Variants in ANKRD11 observed in about 807,000 individuals in gnomAD.
ANKRD11 encodes ankyrin repeat domain 11.
In ANKRD11, 17 loss-of-function variants were observed where a neutral mutation model predicts 195.7. The ratio of observed to expected loss-of-function variants is 0.09; its 90% CI spans 0.06 to 0.13. ANKRD11 has a LOEUF of 0.13. Among genes scored for constraint, ANKRD11 ranks in the 10% least tolerant of loss-of-function variants. ANKRD11 has a pLI of 1.00. For synonymous variants in ANKRD11, 1,953 were observed against 1,528.1 expected (o/e 1.28, Z -6.49); for missense variants, 3,735 against 3,566.1 (o/e 1.05, Z -1.21).
intron 2 of ANKRD11, chr16:89,370,525 C>CTGGA (rs2040147368): frequency 6.6e-6 from 1 of 152,442 alleles, no homozygotes; most frequent in South Asian, 2.1e-4. Flanking sequence ...AGACCAGAGG[C>CTGGA]TGGAGCACAC....
At chr16:89,445,384 G>A (rs948230204) in intron 1 of ANKRD11, among the ~76,000 whole-genome samples, 1 of 152,072 alleles carries the variant, frequency 6.6e-6, no homozygotes, top group Non-Finnish European at 1.5e-5. Context: ...AAACTAAGAG[G>A]TCATCTCCTT....
chr16:89,450,306 C>A (rs2044011569), intron 1 of ANKRD11, among the ~76,000 whole-genome samples: 1 of 152,292 alleles, frequency 6.6e-6, no homozygotes, highest in East Asian at 1.9e-4. Flanking sequence ...ATTCACCCCC[C>A]ATTTTGTAAA....
At chr16:89,341,244 C>T (rs1040575608) in intron 2 of ANKRD11, among the ~76,000 whole-genome samples, 2 of 152,302 alleles carry the variant, frequency 1.3e-5, no homozygotes, top group South Asian at 4.1e-4. Flanking sequence ...GGCAAGCAGA[C>T]CCGGTTTGGA....
intron 2 of ANKRD11, among the ~76,000 whole-genome samples, chr16:89,328,077 T>C (rs57989856): frequency 7.2e-5 from 11 of 152,026 alleles, no homozygotes; most frequent in African/African-American, 2.7e-4. Flanking sequence ...TCAGAAGAGG[T>C]GCACGTGGTG....
chr16:89,294,487 A>G (rs2035281891), intron 4 of ANKRD11, among the ~76,000 whole-genome samples: 1 of 152,116 alleles, frequency 6.6e-6, no homozygotes, highest in Non-Finnish European at 1.5e-5. Context: ...CAACGCCCAC[A>G]ACACGCGCCA....
chr16:89,390,732 G>T (rs1257707916), intron 2 of ANKRD11, among the ~76,000 whole-genome samples: 1 of 152,192 alleles, frequency 6.6e-6, no homozygotes, highest in African/African-American at 2.4e-5. Flanking sequence ...AAGTCCTGCA[G>T]AAAAACACCT....
chr16:89,381,354 A>AAAAAAAAAAAAAAAAAAAAAAAAAAG (rs1555560066), intron 2 of ANKRD11, among the ~76,000 whole-genome samples: 2 of 125,336 alleles, frequency 1.6e-5, no homozygotes, highest in African/African-American at 6.6e-5. Flanking sequence ...AAAAAAAAAA[A>AAAAAAAAAAAAAAAAAAAAAAAAAAG]GGGGTGAGAA....
At chr16:89,268,696 A>G in intron 12 of ANKRD11, 33 bp from the exon 13 acceptor site, 1 of 1,561,270 alleles carries the variant, frequency 6.4e-7, no homozygotes, top group South Asian at 1.2e-5. Context: ...AGGAGGGAGG[A>G]GGAGTGAAGG....
At chr16:89,333,421 C>T (rs1433703386) in intron 2 of ANKRD11, among the ~76,000 whole-genome samples, 1 of 152,166 alleles carries the variant, frequency 6.6e-6, no homozygotes, top group African/African-American at 2.4e-5. Context: ...GCTGTGCAGT[C>T]TATGGTTGGA....
At chr16:89,481,537 A>G (rs1341542414) in intron 1 of ANKRD11, among the ~76,000 whole-genome samples, 2 of 152,208 alleles carry the variant, frequency 1.3e-5, no homozygotes, top group East Asian at 3.8e-4. Context: ...ACCCTGAGTG[A>G]CAGAGCAAGA....
chr16:89,375,533 C>T (rs1288459584), intron 2 of ANKRD11, among the ~76,000 whole-genome samples: 2 of 151,952 alleles, frequency 1.3e-5, no homozygotes, highest in Non-Finnish European at 2.9e-5. Flanking sequence ...GATCTTGGCT[C>T]GCTGCAACCT....
At chr16:89,316,870 C>T in intron 3 of ANKRD11, 63 bp downstream of exon 3, 1 of 1,570,646 alleles carries the variant, frequency 6.4e-7, no homozygotes, top group Admixed American at 1.8e-5. Context: ...GGCAGCACCC[C>T]ATTCCCACCT....
intron 1 of ANKRD11, among the ~76,000 whole-genome samples, chr16:89,418,953 C>T (rs1300968298): frequency 1.3e-5 from 2 of 151,956 alleles, no homozygotes; most frequent in African/African-American, 4.8e-5. Flanking sequence ...ACCTCCTGAC[C>T]TCAGGTGTTC....
chr16:89,428,252 A>T (rs186335715), intron 1 of ANKRD11, among the ~76,000 whole-genome samples: 2 of 151,232 alleles, frequency 1.3e-5, no homozygotes, highest in South Asian at 2.1e-4. Context: ...TTGGCCGGGC[A>T]CGGTGGTTCA....
intron 2 of ANKRD11, among the ~76,000 whole-genome samples, chr16:89,367,102 C>T (rs994792326): frequency 1.2e-4 from 18 of 152,210 alleles, no homozygotes; most frequent in African/African-American, 4.3e-4. Flanking sequence ...CACCCCGAGA[C>T]TCACCGGATA....
chr16:89,280,537 G>C lies in ANKRD11; in HGVS notation c.6005C>G (p.Ser2002Cys), dbSNP rs1377401507. The C allele has an allele frequency of 1.2e-6, 2 of 1,612,584 alleles. No homozygotes were observed. Among genetic ancestry groups the C allele is most frequent in the African/African-American group, 2.7e-5 (2 of 75,034 alleles). The change falls in exon 9 of 13, where the codon TCT becomes TGT. Residue 2002 changes from serine (S) to cysteine (C), a missense_variant. Coordinates refer to ENST00000301030, the MANE Select transcript of ANKRD11 (RefSeq NM_013275.6). ...GGCGCTGAAGGGCCCTGGGGCGGCA[G>C]AGTGGAGGGGGTCCGCGGGGCAGAA... is the stretch of plus-strand genomic sequence containing the variant. ...KRFCPADPLH[S>C]AAPGPFSASE...
At chr16:89,484,571 C>T (rs2057544579) in intron 1 of ANKRD11, among the ~76,000 whole-genome samples, 1 of 152,038 alleles carries the variant, frequency 6.6e-6, no homozygotes, top group Non-Finnish European at 1.5e-5. Context: ...TGAAAAGAGC[C>T]ATAGGGAGTC....
intron 1 of ANKRD11, among the ~76,000 whole-genome samples, chr16:89,463,715 G>A (rs985572197): frequency 6.6e-6 from 1 of 151,274 alleles, no homozygotes; most frequent in Non-Finnish European, 1.5e-5. Context: ...CTGGATAAGT[G>A]TTTTTCAATA....
intron 2 of ANKRD11, among the ~76,000 whole-genome samples, chr16:89,355,745 A>G (rs2039441578): frequency 6.6e-6 from 1 of 152,216 alleles, no homozygotes; most frequent in Non-Finnish European, 1.5e-5. Flanking sequence ...CGTCGAGGGC[A>G]GGTCTTGTGT....
Sources: allele counts gnomAD v4.1 joint callset (sites outside exome capture counted in the v4.1 genomes callset), GRCh38; gene constraint gnomAD v4.1.1; transcripts MANE v1.5; gene names NCBI Gene and HGNC (gene_info 2026-07-23, HGNC 2026-07-21).